AP4M1: variants seen among roughly 807,000 people sequenced by gnomAD.
AP4M1 encodes AP-4 complex subunit mu-1.
AP4M1 carries 58 observed loss-of-function variants against 62.4 expected under a neutral mutation model. The observed-to-expected ratio is 0.93, with a 90% CI of 0.75 to 1.16. The LOEUF is 1.16. Among genes scored for constraint, AP4M1 ranks in the 50% most tolerant of loss-of-function variants. AP4M1 has a pLI of 0.00. For missense variants in AP4M1, 626 were observed against 585.4 expected (o/e 1.07, Z -0.72); for synonymous variants, 290 against 239.7 (o/e 1.21, Z -1.94).
In AP4M1 at chr7:100,102,711, A is replaced by T. The variant is rs757212884; in HGVS notation, c.184A>T (p.Ser62Cys). Reference sequence around the variant, plus strand: ...CCGTCATTTCATTCACATCAGACACAGCGGCCTCTATTTGGTGGTCACAAC... The same window carrying T: ...CCGTCATTTCATTCACATCAGACACTGCGGCCTCTATTTGGTGGTCACAAC... Reference protein sequence around the residue: ...HGRHFIHIRHSGLYLVVTTSE... With the variant: ...HGRHFIHIRHCGLYLVVTTSE... The change falls in exon 3 of 15, where the codon AGC becomes TGC. Residue 62 changes from serine to cysteine, a missense_variant. Physicochemically the swap from Ser to Cys is moderately radical, Grantham distance 112. Coordinates refer to ENST00000359593, the MANE Select transcript of AP4M1 (RefSeq NM_004722.4). 2 of 1,614,094 alleles carry T rather than the reference A, an allele frequency of 1.2e-6. No homozygotes were observed. The highest frequency in any genetic ancestry group is 4.5e-5 in the East Asian group (2 of 44,884).
chr7:100,101,222 G>A (rs760069480), upstream of AP4M1: 7 of 1,611,290 alleles, frequency 4.3e-6, no homozygotes, highest in Non-Finnish European at 5.9e-6. Flanking sequence ...TCCCCGGGAG[G>A]CTCCCCGCGC....
At chr7:100,105,616 A>G in intron 11 of AP4M1, 77 bp downstream of exon 11, 1 of 1,415,806 alleles carries the variant, frequency 7.1e-7, no homozygotes, top group Non-Finnish European at 9.9e-7. Flanking sequence ...CTCACTGCAG[A>G]GTGGGGGTGG....
intron 11 of AP4M1, among the ~76,000 whole-genome samples, 174 bp from the exon 12 acceptor site, chr7:100,105,785 A>G (rs1346676222): frequency 7.1e-5 from 2 of 28,048 alleles, no homozygotes; most frequent in African/African-American, 9.7e-5. Context: ...CATCTCTCTG[A>G]AAAAAAAAAA....
Position 100,107,922 on chromosome 7 carries a change from A to G in AP4M1, c.*1040A>G, listed in dbSNP as rs1331437569. 5 of 1,604,060 alleles carry G rather than the reference A, an allele frequency of 3.1e-6. No homozygotes were observed. The highest frequency in any genetic ancestry group is 2.2e-5 in the East Asian group (1 of 44,772). ...GATGCTCCCTGTCCCACAGCTCTGC[A>G]TACCTGCTGGGTGGATGGGGCGCTG... On this transcript the variant is annotated 3_prime_UTR_variant, in exon 15 of 15. Coordinates refer to ENST00000359593, the MANE Select transcript of AP4M1 (RefSeq NM_004722.4).
chr7:100,101,541 A>C, upstream of AP4M1: 1 of 807,678 alleles, frequency 1.2e-6, no homozygotes, highest in Non-Finnish European at 2.1e-6. Context: ...CGGGCGTCGG[A>C]AGGGAATCTC....
chr7:100,102,409 GAAAA>G (rs34378459), intron 2 of AP4M1: 20 of 370,688 alleles, frequency 5.4e-5, no homozygotes, highest in East Asian at 1.4e-4. Flanking sequence ...TGGGGGTGGG[GAAAA>G]AAAAAAAAAG....
At position 100,107,461 on chromosome 7, in the gene AP4M1, T is replaced by C. The variant is rs1339382108; in HGVS notation, c.*579T>C. ...CCTGTTGGGGGAAGTGAGACCACGA[T>C]GTACTTCTGGACACTCCCAGGACCA... On this transcript the variant is annotated 3_prime_UTR_variant, in exon 15 of 15. Transcript: ENST00000359593. 1.2e-6 allele frequency: 2 copies of C among 1,613,152 alleles called. No homozygotes were observed. The highest frequency in any genetic ancestry group is 2.2e-5 in the South Asian group (2 of 91,038).
intron 2 of AP4M1, 170 bp downstream of exon 2, chr7:100,102,138 T>C (rs1382024652): frequency 5.4e-6 from 4 of 737,596 alleles, no homozygotes; most frequent in Middle Eastern, 3.8e-4. Context: ...CCCAGCACTT[T>C]GGGAGACCGA....
Position 100,107,606 on chromosome 7 carries a change from G to A in AP4M1, c.*724G>A, listed in dbSNP as rs369372138. On this transcript the variant is annotated 3_prime_UTR_variant, in exon 15 of 15. Coordinates refer to ENST00000359593, the MANE Select transcript of AP4M1 (RefSeq NM_004722.4). ...TGGTGGAACCTGAGCCGGGGGCCGA[G>A]GTGCTGAGGGACAGGACCTGGATAG... The A allele has an allele frequency of 2.5e-6, 4 of 1,613,060 alleles. No homozygotes were observed. Among genetic ancestry groups the A allele is most frequent in the African/African-American group, 2.7e-5 (2 of 74,882 alleles).
Position 100,102,791 on chromosome 7 carries a change from G to A in AP4M1, c.254+10G>A. On this transcript the variant is annotated intron_variant, in intron 3 of 14. Coordinates refer to ENST00000359593, the MANE Select transcript of AP4M1 (RefSeq NM_004722.4). ...TAGAACTGCTCTCCAGGTGAGGAGG[G>A]TTGGGCTGGGCACCTGGTAGCTAGG... is the stretch of plus-strand genomic sequence containing the variant. 1 of 1,613,390 alleles carries A rather than the reference G, an allele frequency of 6.2e-7. No individual in the cohort carries two copies. Among genetic ancestry groups the A allele is most frequent in the East Asian group, 2.2e-5 (1 of 44,874 alleles).
Position 100,108,254 on chromosome 7 carries a change from T to G in AP4M1, c.*1372T>G. 1 of 1,454,044 alleles carries G rather than the reference T, an allele frequency of 6.9e-7. No homozygotes were observed. The highest frequency in any genetic ancestry group is 9.1e-7 in the Non-Finnish European group (1 of 1,093,938). The allele number at this position is 1,454,044 out of a possible 1,614,324, so 90.1% of individuals were successfully genotyped here. A position where few individuals can be genotyped will look rare whatever the true frequency, so the allele number is the denominator to read the frequency against. On this transcript the variant is annotated 3_prime_UTR_variant, in exon 15 of 15. Coordinates refer to ENST00000359593, the MANE Select transcript of AP4M1 (RefSeq NM_004722.4). The stretch of plus-strand genomic sequence containing the variant: ...GGCTGGGGCATCCTCACTCAGGGCC[T>G]GGTTGCCCTGAGACTACTGACTGAG...
At position 100,103,460 on chromosome 7, in the gene AP4M1, C is replaced by T. The variant is rs751742955; in HGVS notation, c.403C>T (p.Gln135Ter). ...TSTEMLRNFI[Q>*]TEAVVSKPFS... Reference sequence around the variant, plus strand: ...CACGGAGATGCTGAGGAATTTCATCCAGACGGAAGCTGTGGTCAGCAAGCC... The same window carrying T: ...CACGGAGATGCTGAGGAATTTCATCTAGACGGAAGCTGTGGTCAGCAAGCC... The change falls in exon 5 of 15, where the codon CAG becomes TAG. Residue 135 changes from glutamine (Q) to a stop codon, truncating the protein, a stop_gained. Transcript: ENST00000359593. LOFTEE classifies it high-confidence loss of function. 1 of 1,614,176 alleles carries T rather than the reference C, an allele frequency of 6.2e-7. No individual in the cohort carries two copies. Among genetic ancestry groups the T allele is most frequent in the Non-Finnish European group, 8.5e-7 (1 of 1,180,034 alleles).
intron 4 of AP4M1, 100 bp downstream of exon 4, chr7:100,103,060 CCTTTT>C: frequency 1.4e-6 from 1 of 729,782 alleles, no homozygotes; most frequent in Non-Finnish European, 2.2e-6. Context: ...GCCAAGTCTA[CCTTTT>C]TTTTTTTTTT....
rs1277807447 is a variant in AP4M1 at position 100,107,201 on chromosome 7, T to C, written c.*319T>C. On this transcript the variant is annotated 3_prime_UTR_variant, in exon 15 of 15. Transcript: ENST00000359593. ...ATGCATGTGTGTACGTGCACGTGTG[T>C]ACATGTCTGCATGTGTGGGAATCCG... The C allele has an allele frequency of 2.6e-6, 4 of 1,519,856 alleles. No individual in the cohort carries two copies. In the Admixed American group the frequency reaches 6.7e-5, roughly 25 times the overall value. The allele number at this position is 1,519,856 out of a possible 1,614,324, so 94.1% of individuals were successfully genotyped here.
chr7:100,101,230 C>A, upstream of AP4M1: 7 of 1,612,544 alleles, frequency 4.3e-6, no homozygotes, highest in Non-Finnish European at 5.9e-6. Flanking sequence ...AGGCTCCCCG[C>A]GCAGGACGCC....
In AP4M1 at chr7:100,101,726, A is replaced by C; in HGVS notation, c.12A>C (p.Gln4His). 1 of 1,584,610 alleles carries C rather than the reference A, an allele frequency of 6.3e-7. No individual in the cohort carries two copies. The highest frequency in any genetic ancestry group is 8.6e-7 in the Non-Finnish European group (1 of 1,161,804). MIS[Q>H]FFILSSKGDP... ...TCTCCAGAACGGCCATGATTTCCCA[A>C]TTCTTCATTCTGTCCTCCAAGGGGG... Residue 4 changes from glutamine (Q) to histidine (H), a missense_variant, in exon 1 of 15, where the codon CAA becomes CAC. Coordinates refer to ENST00000359593, the MANE Select transcript of AP4M1 (RefSeq NM_004722.4).
chr7:100,101,606 A>T (rs1221317966), upstream of AP4M1: 3 of 1,187,188 alleles, frequency 2.5e-6, no homozygotes, highest in African/African-American at 1.5e-5. Flanking sequence ...GCGCGGGCGG[A>T]GGAGAATCGC....
In AP4M1 at chr7:100,105,488, C is replaced by G. The variant is rs757649099; in HGVS notation, c.878C>G (p.Pro293Arg). The part of the protein sequence containing the change: ...RYQLSDDLPS[P>R]LPFRLFPSVQ... ...CAACTCTCCGATGACCTCCCCTCAC[C>G]GCTCCCCTTCCGGCTCTTCCCCTCT... is the stretch of plus-strand genomic sequence containing the variant. The change falls in exon 11 of 15, where the codon CCG (proline) becomes CGG (arginine). Residue 293 changes from proline (P) to arginine (R), a missense_variant. Coordinates refer to ENST00000359593, the MANE Select transcript of AP4M1 (RefSeq NM_004722.4). 1.2e-6 allele frequency: 2 copies of G among 1,614,038 alleles called. No homozygotes were observed. The highest frequency in any genetic ancestry group is 2.2e-5 in the South Asian group (2 of 91,088).
In AP4M1 at chr7:100,105,065, G is replaced by A; in HGVS notation, c.694G>A (p.Glu232Lys). 6.2e-7 allele frequency: 1 copy of A among 1,614,170 alleles called. No individual in the cohort carries two copies. The highest frequency in any genetic ancestry group is 8.5e-7 in the Non-Finnish European group (1 of 1,180,038). The change falls in exon 9 of 15, where the codon GAA becomes AAA. Residue 232 changes from glutamate (E) to lysine (K), a missense_variant. By Grantham distance (56) the Glu-to-Lys change is moderately conservative (BLOSUM62 1). Coordinates refer to ENST00000359593, the MANE Select transcript of AP4M1 (RefSeq NM_004722.4). ...GACAGAGATGCGCATTGGCTTGACG[G>A]AAGAGTTTTGTGTGGGGAAGTCAGA... ...SGSEMRIGLT[E>K]EFCVGKSELR... is the part of the protein sequence containing the mutation.
Sources: gnomAD v4.1 joint callset for allele counts (sites outside exome capture counted in the v4.1 genomes callset) on GRCh38, gnomAD v4.1.1 for gene constraint, MANE v1.5 for transcripts, NCBI Gene and HGNC (gene_info 2026-07-23, HGNC 2026-07-21) for gene names.